The following OCM variants were observed in gnomAD, a reference collection of about 807,000 sequenced individuals.
OCM encodes the protein oncomodulin.
OCM carries 18 observed loss-of-function variants against 14.1 expected under a neutral mutation model. The observed-to-expected ratio is 1.28, with a 90% confidence interval of 0.88 to 1.89. The LOEUF is 1.89. Among genes scored for constraint, OCM ranks in the 40% most tolerant of loss-of-function variants. The pLI is 0.00. For synonymous variants in OCM, 48 were observed against 51.0 expected, an observed-to-expected ratio of 0.94 and a Z score of 0.25; for missense variants, 140 against 137.6, an observed-to-expected ratio of 1.02 and a Z score of -0.09.
chr7:5,871,406 C>G, the OCM span, among the ~76,000 whole-genome samples: 1,162 of 151,688 alleles, frequency 7.7e-3, 15 homozygotes, highest in African/African-American at 0.027. Context: ...GTTGCCTAGG[C>G]TGGTCTTAAA....
At chr7:5,877,425 A>T (rs1403375140), upstream of OCM, among the ~76,000 whole-genome samples, 1 of 151,988 alleles carries the variant, frequency 6.6e-6, no homozygotes, top group Non-Finnish European at 1.5e-5. Context: ...CCGAGATCAC[A>T]CTACCACATT....
At chr7:5,872,216 C>T in the OCM span, among the ~76,000 whole-genome samples, 1 of 152,178 alleles carries the variant, frequency 6.6e-6, no homozygotes, top group East Asian at 1.9e-4. Context: ...CTCTTATAGA[C>T]GGGGTCTGTG....
Position 5,884,179 on chromosome 7 carries a change from C to T in OCM, c.304+180C>T, listed in dbSNP as rs576394344. ...GGATGCAAATGATGTGTGTAAAAACCCTGGCATAATGCTCGGTAGGTACTA... is the reference window on the plus strand; with the variant it reads ...GGATGCAAATGATGTGTGTAAAAACTCTGGCATAATGCTCGGTAGGTACTA... On this transcript the variant is annotated intron_variant, in intron 3 of 3. Transcript: ENST00000242104. Among the ~76,000 whole-genome samples the T allele has an allele frequency of 5.3e-5, 8 of 152,200 alleles. No homozygotes were observed. The South Asian group carries it at 1.7e-3, about 32-fold the overall frequency.
At chr7:5,873,721 A>C in the OCM span, among the ~76,000 whole-genome samples, 227 of 152,072 alleles carry the variant, frequency 1.5e-3, 1 homozygote, top group Admixed American at 3.6e-3. Flanking sequence ...AGGCCACCAC[A>C]GTTGTTTCCA....
the OCM span, among the ~76,000 whole-genome samples, chr7:5,860,653 A>C: frequency 1.3e-5 from 1 of 76,796 alleles, no homozygotes; most frequent in Non-Finnish European, 2.3e-5. Context: ...GTGTGTATAT[A>C]TATTACGTAT....
the OCM span, among the ~76,000 whole-genome samples, chr7:5,866,894 G>A: frequency 9.9e-5 from 15 of 152,174 alleles, no homozygotes; most frequent in Non-Finnish European, 1.6e-4. Flanking sequence ...CCCTATAACC[G>A]CCGTCCTGTG....
In OCM at chr7:5,881,071, C is replaced by G; in HGVS notation, c.61+121C>G. 3 of 979,290 alleles carry G rather than the reference C, an allele frequency of 3.1e-6. No homozygotes were observed. In the South Asian group the frequency reaches 4.3e-5, roughly 14 times the overall value. The allele number at this position is 979,290 out of a possible 1,614,324, so 60.7% of individuals were successfully genotyped here. A position where few individuals can be genotyped will look rare whatever the true frequency, so the allele number is the denominator to read the frequency against. ...CAGTGGCTCACACCTGTAATCCCAGCACTTTGGGAGGCCGAGGCGGGTGGA... is the reference window on the plus strand; with the variant it reads ...CAGTGGCTCACACCTGTAATCCCAGGACTTTGGGAGGCCGAGGCGGGTGGA... On this transcript the variant is annotated intron_variant, in intron 1 of 3. Coordinates refer to ENST00000242104, the MANE Select transcript of OCM (RefSeq NM_001097622.2).
chr7:5,864,890 A>G, the OCM span, among the ~76,000 whole-genome samples: 1 of 152,054 alleles, frequency 6.6e-6, no homozygotes, highest in African/African-American at 2.4e-5. Flanking sequence ...GTGAGCCGAC[A>G]TCGCACCATT....
chr7:5,864,896 C>G, the OCM span, among the ~76,000 whole-genome samples: 1 of 151,982 alleles, frequency 6.6e-6, no homozygotes, highest in African/African-American at 2.4e-5. Flanking sequence ...CGACATCGCA[C>G]CATTACACTC....
chr7:5,865,036 G>A, the OCM span, among the ~76,000 whole-genome samples: 1 of 152,142 alleles, frequency 6.6e-6, no homozygotes, highest in East Asian at 1.9e-4. Context: ...AAGACAGCGG[G>A]CAGCAGCTGT....
the OCM span, among the ~76,000 whole-genome samples, chr7:5,862,564 A>G: frequency 6.6e-6 from 1 of 152,238 alleles, no homozygotes; most frequent in Non-Finnish European, 1.5e-5. Flanking sequence ...CCTGAGATAA[A>G]TGCAGCATGG....
chr7:5,881,105 T>C (rs917661215), intron 1 of OCM, among the ~76,000 whole-genome samples, 155 bp downstream of exon 1: 2 of 151,382 alleles, frequency 1.3e-5, no homozygotes, highest in Admixed American at 1.3e-4. Flanking sequence ...GATCACGAGG[T>C]CAGGAGTTCG....
the OCM span, among the ~76,000 whole-genome samples, chr7:5,868,188 C>G: frequency 2.3e-4 from 35 of 152,024 alleles, no homozygotes; most frequent in African/African-American, 8.2e-4. Flanking sequence ...CAGGGCCTAC[C>G]AAGGCTGGAA....
chr7:5,873,201 C>G, the OCM span, among the ~76,000 whole-genome samples: 1 of 151,982 alleles, frequency 6.6e-6, no homozygotes, highest in African/African-American at 2.4e-5. Flanking sequence ...ATGGTAAAAC[C>G]CTGTCTCTAC....
rs375845234 is a variant in OCM at position 5,880,934 on chromosome 7, G to A, written c.45G>A (p.Ala15=). ...DVLSADDIAA[A]LQECRDPDTF... is the part of the protein sequence containing the mutation. ...TCAGTGCTGACGACATTGCAGCAGC[G>A]CTCCAGGAATGCCGAGGTAGAGGGG... The change falls in exon 1 of 4, where the codon GCG becomes GCA. Residue 15 remains alanine (A), a synonymous_variant. Coordinates refer to ENST00000242104, the MANE Select transcript of OCM (RefSeq NM_001097622.2). 13 of 1,613,932 alleles carry A rather than the reference G, an allele frequency of 8.1e-6. No individual in the cohort carries two copies. Among genetic ancestry groups the A allele is most frequent in the Middle Eastern group, 1.7e-4 (1 of 6,060 alleles).
At chr7:5,877,976 C>CTT (rs35122064), upstream of OCM, among the ~76,000 whole-genome samples, 5,629 of 144,988 alleles carry the variant, frequency 0.039, 301 homozygotes, top group East Asian at 0.25. Context: ...CAGTCAAACT[C>CTT]TTTTTTTTTT....
At chr7:5,875,462 A>G (rs1781077594), upstream of OCM, among the ~76,000 whole-genome samples, 1 of 152,186 alleles carries the variant, frequency 6.6e-6, no homozygotes, top group South Asian at 2.1e-4. Context: ...TCTTTTTAAA[A>G]TTTAAATAAA....
chr7:5,874,156 G>C, the OCM span, among the ~76,000 whole-genome samples: 3 of 147,812 alleles, frequency 2.0e-5, no homozygotes, highest in African/African-American at 5.0e-5. Context: ...CCTCGGAGGT[G>C]GAGGTTGCAG....
the OCM span, among the ~76,000 whole-genome samples, chr7:5,864,120 G>C: frequency 6.6e-6 from 1 of 151,748 alleles, no homozygotes; most frequent in African/African-American, 2.4e-5. Context: ...CAGGAGGGTC[G>C]CTTGAGCCCA....
Sources: gnomAD v4.1 joint callset for allele counts (sites outside exome capture counted in the v4.1 genomes callset) on GRCh38, gnomAD v4.1.1 for gene constraint, MANE v1.5 for transcripts, NCBI Gene and HGNC (gene_info 2026-07-23, HGNC 2026-07-21) for gene names.